MAGI2: variants seen among roughly 807,000 people sequenced by gnomAD.
MAGI2 encodes membrane associated guanylate kinase, WW and PDZ domain containing 2.
MAGI2 carries 35 observed loss-of-function variants against 133.3 expected under a neutral mutation model. The observed-to-expected ratio is 0.26, with a 90% confidence interval of 0.20 to 0.35. MAGI2 has a LOEUF of 0.35. MAGI2 is among the 10% of genes least tolerant of loss of function. The probability of loss-of-function intolerance (pLI) is 1.00; values close to 1 mark genes in which losing one functional copy is unlikely to be tolerated. For missense variants in MAGI2, 1,636 were observed against 1,863.4 expected, an observed-to-expected ratio of 0.88 and a Z score of 2.25; for synonymous variants, 729 against 710.6, an observed-to-expected ratio of 1.03 and a Z score of -0.41.
chr7:79,327,216 G>GTCA (rs1839760577), intron 1 of MAGI2, among the ~76,000 whole-genome samples: 1 of 152,072 alleles, frequency 6.6e-6, no homozygotes. Context: ...GACGATTAAC[G>GTCA]TTTAGACAGC....
At chr7:79,206,504 C>A (rs1273304658) in intron 1 of MAGI2, among the ~76,000 whole-genome samples, 1 of 151,560 alleles carries the variant, frequency 6.6e-6, no homozygotes, top group Non-Finnish European at 1.5e-5. Context: ...ATGCTACCTA[C>A]CAAGACTAAA....
intron 1 of MAGI2, among the ~76,000 whole-genome samples, chr7:79,154,654 C>G (rs981718533): frequency 3.9e-5 from 6 of 152,146 alleles, no homozygotes; most frequent in Non-Finnish European, 7.4e-5. Flanking sequence ...CTGGCAATAA[C>G]ATTACCTCAA....
intron 16 of MAGI2, among the ~76,000 whole-genome samples, chr7:78,141,240 A>G (rs73706527): frequency 6.6e-6 from 1 of 152,160 alleles, no homozygotes; most frequent in Non-Finnish European, 1.5e-5. Context: ...GACTGAGCAC[A>G]GAGGAATGAT....
intron 1 of MAGI2, among the ~76,000 whole-genome samples, chr7:79,087,164 C>T (rs1410010420): frequency 6.6e-6 from 1 of 151,646 alleles, no homozygotes; most frequent in Non-Finnish European, 1.5e-5. Context: ...GAATAGTTTC[C>T]TCAATAGACA....
At chr7:78,955,064 T>G (rs951475958) in intron 2 of MAGI2, among the ~76,000 whole-genome samples, 1 of 152,058 alleles carries the variant, frequency 6.6e-6, no homozygotes, top group Non-Finnish European at 1.5e-5. Flanking sequence ...CAATAGCTTA[T>G]GTTCAAAAGA....
At chr7:79,267,341 C>T (rs1834547759) in intron 1 of MAGI2, among the ~76,000 whole-genome samples, 1 of 152,136 alleles carries the variant, frequency 6.6e-6, no homozygotes, top group Non-Finnish European at 1.5e-5. Context: ...TAGAGACTGG[C>T]TCTCTCAGCA....
At chr7:78,647,915 A>T (rs576584788) in intron 2 of MAGI2, among the ~76,000 whole-genome samples, 1 of 152,298 alleles carries the variant, frequency 6.6e-6, no homozygotes, top group South Asian at 2.1e-4. Context: ...CAAACACCGC[A>T]TGTTCTCAGT....
intron 1 of MAGI2, among the ~76,000 whole-genome samples, chr7:79,428,020 T>G (rs1769209184): frequency 6.6e-6 from 1 of 152,160 alleles, no homozygotes; most frequent in Non-Finnish European, 1.5e-5. Flanking sequence ...AATTTCCAAA[T>G]TTTTAGTGTA....
intron 21 of MAGI2, among the ~76,000 whole-genome samples, chr7:78,052,609 G>C (rs2151112367): frequency 6.6e-6 from 1 of 152,344 alleles, no homozygotes; most frequent in South Asian, 2.1e-4. Flanking sequence ...TCAGCAATGG[G>C]GACTTTTCAT....
chr7:79,180,786 A>G (rs1014427487), intron 1 of MAGI2, among the ~76,000 whole-genome samples: 3 of 152,052 alleles, frequency 2.0e-5, no homozygotes, highest in Admixed American at 2.0e-4. Flanking sequence ...ATAAGCCTGT[A>G]AAATCAGAAG....
At chr7:78,381,721 A>G (rs1314332304) in intron 6 of MAGI2, among the ~76,000 whole-genome samples, 1 of 152,206 alleles carries the variant, frequency 6.6e-6, no homozygotes, top group Non-Finnish European at 1.5e-5. Flanking sequence ...CCTTCATTAT[A>G]GAAGAAATGC....
intron 2 of MAGI2, among the ~76,000 whole-genome samples, chr7:78,782,157 G>A (rs552725139): frequency 6.6e-6 from 1 of 152,190 alleles, no homozygotes; most frequent in Non-Finnish European, 1.5e-5. Flanking sequence ...TCCAACTCAG[G>A]AGAACGTCGG....
intron 3 of MAGI2, among the ~76,000 whole-genome samples, chr7:78,524,598 G>A (rs1796794179): frequency 6.6e-6 from 1 of 152,156 alleles, no homozygotes; most frequent in African/African-American, 2.4e-5. Context: ...CGGCAAAGTG[G>A]ATAATATATA....
At chr7:79,235,690 G>C (rs1465741453) in intron 1 of MAGI2, among the ~76,000 whole-genome samples, 4 of 152,172 alleles carry the variant, frequency 2.6e-5, no homozygotes, top group African/African-American at 9.6e-5. Context: ...TGCGCCCACT[G>C]TCTGGCACTC....
intron 1 of MAGI2, among the ~76,000 whole-genome samples, chr7:79,291,607 C>T (rs559088856): frequency 6.6e-6 from 1 of 152,180 alleles, no homozygotes; most frequent in Non-Finnish European, 1.5e-5. Flanking sequence ...TACAGACATC[C>T]AAATGAGCAT....
intron 1 of MAGI2, among the ~76,000 whole-genome samples, chr7:79,039,847 CAT>C (rs1046172671): frequency 7.8e-5 from 11 of 140,420 alleles, no homozygotes; most frequent in Middle Eastern, 7.5e-3. Flanking sequence ...ATTATATATA[CAT>C]ATATATTATA....
chr7:79,214,870 T>A (rs936373999), intron 1 of MAGI2, among the ~76,000 whole-genome samples: 8 of 145,092 alleles, frequency 5.5e-5, no homozygotes, highest in Non-Finnish European at 9.1e-5. Context: ...TATATATTTA[T>A]AAATTTCAAA....
chr7:79,425,396 A>G (rs1170113910), intron 1 of MAGI2, among the ~76,000 whole-genome samples: 2 of 151,920 alleles, frequency 1.3e-5, no homozygotes, highest in South Asian at 2.1e-4. Context: ...TCTGACTTCT[A>G]CGTAACTGTT....
chr7:79,161,832 T>G (rs1824385656), intron 1 of MAGI2, among the ~76,000 whole-genome samples: 1 of 152,136 alleles, frequency 6.6e-6, no homozygotes, highest in East Asian at 1.9e-4. Context: ...TTTGCGTAAG[T>G]TCGATATAAG....
Sources: gnomAD v4.1 joint callset for allele counts (sites outside exome capture counted in the v4.1 genomes callset) on GRCh38, gnomAD v4.1.1 for gene constraint, MANE v1.5 for transcripts, NCBI Gene and HGNC (gene_info 2026-07-23, HGNC 2026-07-21) for gene names.